ELOVL5: variants seen among roughly 807,000 people sequenced by gnomAD.
ELOVL5 encodes the protein ELOVL fatty acid elongase 5, also known as very long chain fatty acid elongase 5.
A neutral mutation model predicts 38.6 loss-of-function variants in ELOVL5; 8 were observed. That is an observed-to-expected ratio of 0.21 (90% CI 0.12 to 0.37). ELOVL5 has a LOEUF of 0.37. Ranked by LOEUF, ELOVL5 falls within the 10% of genes least tolerant of loss-of-function variation. The pLI is 1.00. For missense variants in ELOVL5, 280 were observed against 367.8 expected (o/e 0.76, Z 1.95); for synonymous variants, 127 against 133.7 (o/e 0.95, Z 0.34).
intron 3 of ELOVL5, among the ~76,000 whole-genome samples, chr6:53,278,412 G>C (rs1397024163): frequency 6.6e-6 from 1 of 152,122 alleles, no homozygotes; most frequent in Non-Finnish European, 1.5e-5. Flanking sequence ...CGGGTTGAAG[G>C]GGTCTTGTTA....
At chr6:53,280,126 A>G (rs1018841683) in intron 3 of ELOVL5, among the ~76,000 whole-genome samples, 1 of 152,228 alleles carries the variant, frequency 6.6e-6, no homozygotes, top group Non-Finnish European at 1.5e-5. Flanking sequence ...CGTGTTAAGT[A>G]GACACCACAG....
chr6:53,347,729 C>A (rs1350575158), intron 1 of ELOVL5, among the ~76,000 whole-genome samples: 3 of 152,082 alleles, frequency 2.0e-5, no homozygotes, highest in Non-Finnish European at 1.5e-5. Context: ...CCCCCGCCCC[C>A]GACCCCGCCA....
intron 1 of ELOVL5, among the ~76,000 whole-genome samples, chr6:53,326,266 T>C (rs1208874739): frequency 6.6e-6 from 1 of 152,192 alleles, no homozygotes; most frequent in Non-Finnish European, 1.5e-5. Flanking sequence ...CACTCATTCT[T>C]GCCTCCTTCT....
intron 1 of ELOVL5, among the ~76,000 whole-genome samples, chr6:53,300,265 T>G (rs1224753417): frequency 6.6e-6 from 1 of 152,168 alleles, no homozygotes; most frequent in African/African-American, 2.4e-5. Flanking sequence ...TACAACCTCA[T>G]GTTTGTCAAG....
intron 1 of ELOVL5, among the ~76,000 whole-genome samples, chr6:53,299,011 T>C (rs1767140184): frequency 6.6e-6 from 1 of 151,908 alleles, no homozygotes; most frequent in African/African-American, 2.4e-5. Flanking sequence ...CACAAATATC[T>C]AGCACCTACT....
intron 3 of ELOVL5, chr6:53,288,078 C>T: frequency 1.3e-6 from 1 of 761,300 alleles, no homozygotes; most frequent in South Asian, 1.6e-5. Context: ...CTGTAACACT[C>T]TAACAAAGGA....
chr6:53,331,067 T>C (rs1157757287), intron 1 of ELOVL5, among the ~76,000 whole-genome samples: 1 of 152,250 alleles, frequency 6.6e-6, no homozygotes, highest in Non-Finnish European at 1.5e-5. Flanking sequence ...CAGTGGCTCA[T>C]GCCTGTAATA....
intron 1 of ELOVL5, among the ~76,000 whole-genome samples, chr6:53,348,255 G>A (rs1029192825): frequency 1.3e-5 from 2 of 152,228 alleles, no homozygotes; most frequent in Admixed American, 6.5e-5. Flanking sequence ...CAGGGTTAAC[G>A]GAAGCGGAGA....
intron 1 of ELOVL5, among the ~76,000 whole-genome samples, chr6:53,342,695 A>C (rs533717954): frequency 3.3e-5 from 5 of 152,344 alleles, no homozygotes; most frequent in African/African-American, 1.2e-4. Flanking sequence ...CAGTATCAGC[A>C]CTAAAAATCT....
intron 1 of ELOVL5, among the ~76,000 whole-genome samples, chr6:53,324,796 A>G (rs1267164720): frequency 1.3e-5 from 2 of 152,060 alleles, no homozygotes; most frequent in African/African-American, 2.4e-5. Context: ...GGAATGGGCT[A>G]TCATACCAAA....
intron 1 of ELOVL5, among the ~76,000 whole-genome samples, chr6:53,346,506 A>G (rs1769548465): frequency 6.6e-6 from 1 of 152,196 alleles, no homozygotes; most frequent in Non-Finnish European, 1.5e-5. Flanking sequence ...AGTACCTGAC[A>G]CAGAAAGCAT....
chr6:53,310,431 G>GGGGA (rs559983298), intron 1 of ELOVL5, among the ~76,000 whole-genome samples: 51,865 of 151,854 alleles, frequency 0.34, 9,467 homozygotes, highest in African/African-American at 0.48. Flanking sequence ...GTTTTTCTTG[G>GGGGA]GGGATTTTCC....
chr6:53,285,582 T>C (rs1296237533), intron 3 of ELOVL5, among the ~76,000 whole-genome samples: 1 of 152,228 alleles, frequency 6.6e-6, no homozygotes, highest in Non-Finnish European at 1.5e-5. Context: ...CACATACCAC[T>C]GCACCTGGGA....
chr6:53,313,536 A>T (rs1428224378), intron 1 of ELOVL5, among the ~76,000 whole-genome samples: 2 of 151,954 alleles, frequency 1.3e-5, no homozygotes, highest in Non-Finnish European at 2.9e-5. Context: ...TAATTAAAAA[A>T]AAAAATGTAG....
At chr6:53,316,221 C>T (rs1396683520) in intron 1 of ELOVL5, among the ~76,000 whole-genome samples, 2 of 152,278 alleles carry the variant, frequency 1.3e-5, no homozygotes, top group Middle Eastern at 3.4e-3. Flanking sequence ...ATCCACAAGA[C>T]CACAAATCTG....
In ELOVL5 at chr6:53,270,712, T is replaced by C. The variant is rs1483922473; in HGVS notation, c.637A>G (p.Thr213Ala). Residue 213 changes from threonine (T) to alanine (A), a missense_variant, in exon 7 of 8, where the codon ACA (threonine) becomes GCA (alanine). Physicochemically the swap from Thr to Ala is moderately conservative, Grantham distance 58 (BLOSUM62 0). Coordinates refer to ENST00000304434, the MANE Select transcript of ELOVL5 (RefSeq NM_021814.5). ...TQGQLLQFVL[T>A]IIQTSCGVIW... ...ACCCCGCAGCTGGTCTGGATGATTGTCAGCACAAACTGAAGCTAGGGGAAC... is the reference window on the plus strand; with the variant it reads ...ACCCCGCAGCTGGTCTGGATGATTGCCAGCACAAACTGAAGCTAGGGGAAC... 6.2e-7 allele frequency: 1 copy of C among 1,614,160 alleles called. No individual in the cohort carries two copies. Among genetic ancestry groups the C allele is most frequent in the Non-Finnish European group, 8.5e-7 (1 of 1,180,016 alleles).
chr6:53,287,747 A>G (rs968047645), intron 3 of ELOVL5: 4 of 875,402 alleles, frequency 4.6e-6, no homozygotes, highest in African/African-American at 3.3e-5. Context: ...AGAGCTCAGC[A>G]TAACAGATCG....
intron 1 of ELOVL5, among the ~76,000 whole-genome samples, chr6:53,331,094 C>G (rs1190636599): frequency 3.3e-5 from 5 of 152,068 alleles, no homozygotes; most frequent in East Asian, 1.9e-4. Context: ...TTTTGGGAGA[C>G]CGAGGTGGAA....
At chr6:53,274,305 A>G (rs1198242567) in intron 5 of ELOVL5, among the ~76,000 whole-genome samples, 1 of 152,128 alleles carries the variant, frequency 6.6e-6, no homozygotes, top group Admixed American at 6.5e-5. Context: ...CCCAAACCCA[A>G]AGGATCTGTA....
Sources: gnomAD v4.1 joint callset for allele counts (sites outside exome capture counted in the v4.1 genomes callset) on GRCh38, gnomAD v4.1.1 for gene constraint, MANE v1.5 for transcripts, NCBI Gene and HGNC (gene_info 2026-07-23, HGNC 2026-07-21) for gene names.